The following REC8 variants were observed in gnomAD, a reference collection of about 807,000 sequenced individuals.
REC8 encodes meiotic recombination protein REC8 homolog.
In REC8, 42 loss-of-function variants were observed where a neutral mutation model predicts 78.3. The observed-to-expected ratio is 0.54, with a 90% CI of 0.42 to 0.69. REC8 has a LOEUF of 0.69. REC8 is among the 30% of genes least tolerant of loss of function. The pLI is 0.00. For missense variants in REC8, 581 were observed against 715.8 expected, an observed-to-expected ratio of 0.81 and a Z score of 2.15; for synonymous variants, 268 against 274.1, an observed-to-expected ratio of 0.98 and a Z score of 0.22.
chr14:24,178,696 C>G (rs34136797), intron 13 of REC8, 24 bp downstream of exon 13: 2 of 1,613,632 alleles, frequency 1.2e-6, no homozygotes, highest in South Asian at 1.1e-5. Context: ...GGGTTGGGCA[C>G]GAAGTATCCT....
intron 7 of REC8, 86 bp from the exon 8 acceptor site, chr14:24,177,054 TG>T: frequency 7.1e-7 from 1 of 1,417,858 alleles, no homozygotes; most frequent in South Asian, 1.2e-5. Flanking sequence ...CCCTGTGGCA[TG>T]CCTCTGGGAT....
At position 24,172,753 on chromosome 14, in the gene REC8, T is replaced by C. The variant is rs746216054; in HGVS notation, c.97T>C (p.Tyr33His). 42 of 1,614,182 alleles carry C rather than the reference T, an allele frequency of 2.6e-5. No individual in the cohort carries two copies. The highest frequency in any genetic ancestry group is 3.5e-5 in the Non-Finnish European group (41 of 1,180,010). ...CGGCAGCCGGTTGGTGAAGCGCGAA[T>C]ACCTGAGGGTGAATGTGGTGAAAAC... The part of the protein sequence containing the change: ...TRGSRLVKRE[Y>H]LRVNVVKTCE... The change falls in exon 2 of 19, where the codon TAC (tyrosine) becomes CAC (histidine). Residue 33 changes from tyrosine to histidine, a missense_variant. By Grantham distance (83) the Tyr-to-His change is moderately conservative. Transcript: ENST00000611366.
rs770631076 is a variant in REC8, at chr14:24,173,118, G to A, written c.269-8G>A. 3 of 1,613,820 alleles carry A rather than the reference G, an allele frequency of 1.9e-6. No homozygotes were observed. In the South Asian group the frequency reaches 3.3e-5, roughly 18 times the overall value. Reference sequence around the variant, plus strand: ...GCTGGCTGTCTACCTCGTCCTCCCTGCCCACAGAGGACATCCAGCACATCT... The same window carrying A: ...GCTGGCTGTCTACCTCGTCCTCCCTACCCACAGAGGACATCCAGCACATCT... On this transcript the variant is annotated splice_polypyrimidine_tract_variant and splice_region_variant and intron_variant, in intron 3 of 18. Transcript: ENST00000611366.
In REC8 at chr14:24,179,740, G is replaced by A. The variant is rs1344732819; in HGVS notation, c.1451+14G>A. 6 of 1,614,108 alleles carry A rather than the reference G, an allele frequency of 3.7e-6. No homozygotes were observed. The Admixed American group carries it at 8.3e-5, about 22-fold the overall frequency. On this transcript the variant is annotated intron_variant, in intron 17 of 18. Coordinates refer to ENST00000611366, the MANE Select transcript of REC8 (RefSeq NM_001048205.2). ...AGCAGTGCACAGGTACCAGGGAGGT[G>A]GCACCTTGATGGGGTGGACCCGGGC... is the stretch of plus-strand genomic sequence containing the variant.
At chr14:24,180,413 TTC>T, downstream of REC8, 2 of 1,596,644 alleles carry the variant, frequency 1.3e-6, no homozygotes, top group South Asian at 2.2e-5. Flanking sequence ...GCAGGCTCTA[TTC>T]TCTCTGGACT....
At position 24,178,681 on chromosome 14, in the gene REC8, G is replaced by C. The variant is rs1451735247; in HGVS notation, c.1063+9G>C. 1 of 1,614,000 alleles carries C rather than the reference G, an allele frequency of 6.2e-7. No homozygotes were observed. On this transcript the variant is annotated intron_variant, in intron 13 of 18. Coordinates refer to ENST00000611366, the MANE Select transcript of REC8 (RefSeq NM_001048205.2). ...CAGAACCCCAACTCTCTGTAAGAAT[G>C]GTGGGGGTTGGGCACGAAGTATCCT...
In REC8 at chr14:24,179,659, G is replaced by A. The variant is rs371804350; in HGVS notation, c.1384G>A (p.Val462Met). The A allele has an allele frequency of 3.1e-6, 5 of 1,614,102 alleles. No individual in the cohort carries two copies. The African/African-American group carries it at 5.3e-5, about 17-fold the overall frequency. Reference protein sequence around the residue: ...ALPVVPELPEVPMEMPLVLPP... With the variant: ...ALPVVPELPEMPMEMPLVLPP... ...GCCCGTGGTGCCTGAACTCCCTGAGGTGCCCATGGAGATGCCTTTGGTGCT... is the reference window on the plus strand; with the variant it reads ...GCCCGTGGTGCCTGAACTCCCTGAGATGCCCATGGAGATGCCTTTGGTGCT... The change falls in exon 17 of 19, where the codon GTG becomes ATG. Residue 462 changes from valine to methionine, a missense_variant. Val to Met is a conservative substitution (Grantham distance 21). Coordinates refer to ENST00000611366, the MANE Select transcript of REC8 (RefSeq NM_001048205.2).
Position 24,172,317 on chromosome 14 carries a change from T to A in REC8, c.-236T>A, listed in dbSNP as rs4761. On this transcript the variant is annotated 5_prime_UTR_variant, in exon 1 of 19. Coordinates refer to ENST00000611366, the MANE Select transcript of REC8 (RefSeq NM_001048205.2). The stretch of plus-strand genomic sequence containing the variant: ...CGCATCACGTGGCGTGCGGATCCAC[T>A]GAGGGTCCACAGAGAGGGGCGCCCA... 4 of 550,104 alleles carry A rather than the reference T, an allele frequency of 7.3e-6. No homozygotes were observed. The South Asian group carries it at 7.6e-5, about 10-fold the overall frequency. 34.1% of individuals were successfully genotyped at this position (550,104 alleles called of 1,614,324 possible). A position where few individuals can be genotyped will look rare whatever the true frequency, so the allele number is the denominator to read the frequency against.
At chr14:24,179,213 T>C in intron 15 of REC8, 80 bp downstream of exon 15, 26 of 1,344,396 alleles carry the variant, frequency 1.9e-5, no homozygotes, top group Non-Finnish European at 2.5e-5. Flanking sequence ...CTGCTGAAGC[T>C]GTTTTATGAG....
chr14:24,175,437 A>T, intron 5 of REC8, 106 bp from the exon 6 acceptor site: 3 of 849,396 alleles, frequency 3.5e-6, no homozygotes, highest in Non-Finnish European at 2.0e-6. Flanking sequence ...AACAAGAATT[A>T]GGCATAAAAG....
At position 24,172,933 on chromosome 14, in the gene REC8, C is replaced by G. The variant is rs200093612; in HGVS notation, c.160C>G (p.Gln54Glu). ...EILNYVLVRV[Q>E]PPQPGLPRPR... ...CCTCAATTACGTGCTGGTACGAGTG[C>G]AACCCCCGCAGCCCGGCCTGCCGCG... is the stretch of plus-strand genomic sequence containing the variant. The change falls in exon 3 of 19, where the codon CAA (glutamine) becomes GAA (glutamate). Residue 54 changes from glutamine (Q) to glutamate (E), a missense_variant. By Grantham distance (29) the Gln-to-Glu change is conservative. Coordinates refer to ENST00000611366, the MANE Select transcript of REC8 (RefSeq NM_001048205.2). 2.3e-5 allele frequency: 37 copies of G among 1,611,206 alleles called. No homozygotes were observed. The African/African-American group carries it at 4.9e-4, about 21-fold the overall frequency.
chr14:24,174,522 C>A (rs960305593), intron 5 of REC8, among the ~76,000 whole-genome samples: 1 of 152,204 alleles, frequency 6.6e-6, no homozygotes, highest in African/African-American at 2.4e-5. Context: ...AGGCACTCCA[C>A]CCGCCTCGGC....
In REC8 at chr14:24,172,261, C is replaced by T. The variant is rs1003864552; in HGVS notation, c.-292C>T. 1 of 480,372 alleles carries T rather than the reference C, an allele frequency of 2.1e-6. No homozygotes were observed. The allele number at this position is 480,372 out of a possible 1,614,324, so 29.8% of individuals were successfully genotyped here. A position where few individuals can be genotyped will look rare whatever the true frequency, so the allele number is the denominator to read the frequency against. On this transcript the variant is annotated 5_prime_UTR_variant, in exon 1 of 19. Transcript: ENST00000611366. ...CCCCTTGGAGCTCTGCATCTCCAAC[C>T]TGGAACCCAACCCAGAAGTCTCAAG...
In REC8 at chr14:24,178,662, C is replaced by G. The variant is rs910094073; in HGVS notation, c.1053C>G (p.Thr351=). 2 of 1,613,950 alleles carry G rather than the reference C, an allele frequency of 1.2e-6. No homozygotes were observed. The highest frequency in any genetic ancestry group is 8.5e-7 in the Non-Finnish European group (1 of 1,180,004). ...GAGGCCCTGCGGAGTTGTTCAGAAC[C>G]CCAACTCTCTGTAAGAATGGTGGGG... The part of the protein sequence containing the change: ...TIRGPAELFR[T]PTLSGWLPPE... Residue 351 remains threonine, a synonymous_variant, in exon 13 of 19, where the codon ACC becomes ACG. Coordinates refer to ENST00000611366, the MANE Select transcript of REC8 (RefSeq NM_001048205.2).
chr14:24,180,384 AG>A, downstream of REC8: 1 of 1,573,332 alleles, frequency 6.4e-7, no homozygotes, highest in South Asian at 1.2e-5. Context: ...CTGGGCTGAG[AG>A]GTGGTCTTAA....
rs1277873470 is a variant in REC8, at chr14:24,179,081, C to G, written c.1204-4C>G. 1.2e-6 allele frequency: 2 copies of G among 1,603,404 alleles called. No individual in the cohort carries two copies. The highest frequency in any genetic ancestry group is 4.5e-5 in the East Asian group (2 of 44,180). ...GGTCTTAGTTCTACTTCTCCCATCC[C>G]CAGGTCCCGAGGGAGGCCCTGGAGC... On this transcript the variant is annotated splice_polypyrimidine_tract_variant and splice_region_variant and intron_variant, in intron 14 of 18. Coordinates refer to ENST00000611366, the MANE Select transcript of REC8 (RefSeq NM_001048205.2).
chr14:24,176,919 C>T lies in REC8; in HGVS notation c.624+18C>T. 1 of 1,603,352 alleles carries T rather than the reference C, an allele frequency of 6.2e-7. No homozygotes were observed. The highest frequency in any genetic ancestry group is 1.1e-5 in the South Asian group (1 of 90,502). On this transcript the variant is annotated intron_variant, in intron 7 of 18. Transcript: ENST00000611366. Reference sequence around the variant, plus strand: ...AGATTGAGGTGAGTTCCCCTGCACACAGGGCCTGAGGTCCAGCCCCCTTGC... The same window carrying T: ...AGATTGAGGTGAGTTCCCCTGCACATAGGGCCTGAGGTCCAGCCCCCTTGC...
chr14:24,173,120 C>G lies in REC8; in HGVS notation c.269-6C>G, dbSNP rs1329011223. ...TGGCTGTCTACCTCGTCCTCCCTGC[C>G]CACAGAGGACATCCAGCACATCTTG... On this transcript the variant is annotated splice_polypyrimidine_tract_variant and splice_region_variant and intron_variant, in intron 3 of 18. Coordinates refer to ENST00000611366, the MANE Select transcript of REC8 (RefSeq NM_001048205.2). 1.2e-5 allele frequency: 19 copies of G among 1,613,852 alleles called. No individual in the cohort carries two copies. Among genetic ancestry groups the G allele is most frequent in the Non-Finnish European group, 1.5e-5 (18 of 1,180,046 alleles).
chr14:24,173,342 T>A lies in REC8; in HGVS notation c.393T>A (p.Asp131Glu). The A allele has an allele frequency of 6.2e-7, 1 of 1,614,202 alleles. No individual in the cohort carries two copies. Among genetic ancestry groups the A allele is most frequent in the Non-Finnish European group, 8.5e-7 (1 of 1,180,028 alleles). The stretch of plus-strand genomic sequence containing the variant: ...TGGCCATGATGGAGACCCTAGAAGA[T>A]GCTCCAGATCCCTTTTTTGGGATGA... ...NHLAMMETLEDAPDPFFGMMS... is the reference protein window; with the variant it reads ...NHLAMMETLEEAPDPFFGMMS... The change falls in exon 5 of 19, where the codon GAT (aspartate) becomes GAA (glutamate). Residue 131 changes from aspartate (D) to glutamate (E), a missense_variant. Physicochemically the swap from Asp to Glu is conservative, Grantham distance 45 (BLOSUM62 2). Coordinates refer to ENST00000611366, the MANE Select transcript of REC8 (RefSeq NM_001048205.2).
Sources: allele counts gnomAD v4.1 joint callset (sites outside exome capture counted in the v4.1 genomes callset), GRCh38; gene constraint gnomAD v4.1.1; transcripts MANE v1.5; gene names NCBI Gene and HGNC (gene_info 2026-07-23, HGNC 2026-07-21).